SCRIB: variants seen among roughly 807,000 people sequenced by gnomAD.
SCRIB encodes scribble planar cell polarity protein.
SCRIB carries 72 observed loss-of-function variants against 170.0 expected under a neutral mutation model. The observed-to-expected ratio is 0.42, with a 90% CI of 0.35 to 0.52. The LOEUF is 0.52. SCRIB is among the 20% of genes least tolerant of loss of function. SCRIB has a pLI of 0.02. For missense variants in SCRIB, 2,475 were observed against 2,338.5 expected (o/e 1.06, Z -1.20); for synonymous variants, 1,298 against 1,044.3 (o/e 1.24, Z -4.68).
In SCRIB at chr8:143,809,696, G is replaced by C; in HGVS notation, c.1553C>G (p.Ser518Cys). 6.2e-7 allele frequency: 1 copy of C among 1,610,052 alleles called. No homozygotes were observed. The highest frequency in any genetic ancestry group is 8.5e-7 in the Non-Finnish European group (1 of 1,179,806). Residue 518 changes from serine to cysteine, a missense_variant, in exon 14 of 37, where the codon TCT becomes TGT. Around this residue, in one of 3 missense-constraint regions of SCRIB, gnomAD observed 1,966 missense variants for 1,742.9 expected, o/e 1.13. Transcript: ENST00000356994. ...TGGGCGAGAGTCTTCACTCAGGCCA[G>C]ACTCGGCACTCAGCCGCTTCTCCTG... ...AEEEKRLSAE[S>C]GLSEDSRPSA...
rs370897801 is a variant in SCRIB at position 143,795,337 on chromosome 8, TGAGCA to T, written c.3715-9_3715-5del. ...TCTGTCCAGGCAGCTCCTTCTCCTG[TGAGCA>T]GAGCAGAGCAGACCCGTCAGGCACC... On this transcript the variant is annotated splice_region_variant and splice_polypyrimidine_tract_variant and intron_variant, in intron 25 of 36. Coordinates refer to ENST00000356994, the MANE Select transcript of SCRIB (RefSeq NM_182706.5). 3.5e-5 allele frequency: 57 copies of T among 1,612,676 alleles called. No individual in the cohort carries two copies. The highest frequency in any genetic ancestry group is 4.8e-5 in the Non-Finnish European group (57 of 1,179,820).
At chr8:143,802,109 C>T (rs1270029795) in intron 24 of SCRIB, among the ~76,000 whole-genome samples, 1 of 152,250 alleles carries the variant, frequency 6.6e-6, no homozygotes, top group Non-Finnish European at 1.5e-5. Context: ...AGGCAAGGCC[C>T]TCTCTGAGAA....
In SCRIB at chr8:143,812,814, A is replaced by G; in HGVS notation, c.787+3T>C. 6.3e-7 allele frequency: 1 copy of G among 1,598,076 alleles called. No individual in the cohort carries two copies. The highest frequency in any genetic ancestry group is 8.5e-7 in the Non-Finnish European group (1 of 1,178,240). ...CCACCCAGGCACCCCCAGGCACACTAACCGATGCCGTCGGGCAGCCTCCGC... is the reference window on the plus strand; with the variant it reads ...CCACCCAGGCACCCCCAGGCACACTGACCGATGCCGTCGGGCAGCCTCCGC... On this transcript the variant is annotated splice_donor_region_variant and intron_variant, in intron 8 of 36. Coordinates refer to ENST00000356994, the MANE Select transcript of SCRIB (RefSeq NM_182706.5).
chr8:143,800,652 G>A (rs1815135542), intron 24 of SCRIB, among the ~76,000 whole-genome samples: 1 of 152,270 alleles, frequency 6.6e-6, no homozygotes, highest in Non-Finnish European at 1.5e-5. Context: ...AGGCAGGCAG[G>A]TCACTTGAGC....
chr8:143,815,023 T>C, intron 1 of SCRIB, 191 bp downstream of exon 1: 1 of 612,240 alleles, frequency 1.6e-6, no homozygotes, highest in Non-Finnish European at 2.6e-6. Flanking sequence ...AAGCACCTGA[T>C]GACCGCTGCC....
chr8:143,811,491 AC>A, intron 9 of SCRIB, 146 bp from the exon 10 acceptor site: 1 of 694,952 alleles, frequency 1.4e-6, no homozygotes, highest in Non-Finnish European at 2.4e-6. Context: ...CAAGGACCTG[AC>A]CACAGAAGCT....
At position 143,813,045 on chromosome 8, in the gene SCRIB, C is replaced by A. The variant is rs1394288418; in HGVS notation, c.627G>T (p.Leu209=). The A allele has an allele frequency of 6.3e-7, 1 of 1,594,204 alleles. No individual in the cohort carries two copies. The change falls in exon 7 of 37, where the codon CTG becomes CTT. Residue 209 remains leucine (L), a synonymous_variant. Transcript: ENST00000356994. The part of the protein sequence containing the change: ...LRELWLDRNQ[L]SALPPELGNL... Reference sequence around the variant, plus strand: ...CCTGACTCACCGGGGGCAGTGCTGACAGCTGGTTCCGGTCAAGCCACAGCT... The same window carrying A: ...CCTGACTCACCGGGGGCAGTGCTGAAAGCTGGTTCCGGTCAAGCCACAGCT...
rs782578245 is a variant in SCRIB, at chr8:143,792,139, G to A, written c.4515-6C>T. The A allele has an allele frequency of 8.2e-5, 128 of 1,564,988 alleles. No individual in the cohort carries two copies. Among genetic ancestry groups the A allele is most frequent in the Non-Finnish European group, 1.1e-4 (127 of 1,160,898 alleles). ...CCTGTTCCAATGACTTCATCCTGCA[G>A]AGAACAGCGGGCAGGGGTGACTTGG... On this transcript the variant is annotated splice_region_variant and splice_polypyrimidine_tract_variant and intron_variant, in intron 32 of 36. Transcript: ENST00000356994.
chr8:143,814,742 G>A (rs538665585), intron 1 of SCRIB: 4 of 167,604 alleles, frequency 2.4e-5, no homozygotes, highest in African/African-American at 7.1e-5. Context: ...CCTTAGGAGA[G>A]CACCTGACCA....
At chr8:143,794,941 A>G in intron 27 of SCRIB, 97 bp downstream of exon 27, 2 of 1,268,452 alleles carry the variant, frequency 1.6e-6, no homozygotes, top group Non-Finnish European at 2.2e-6. Context: ...CCCCCGCCCA[A>G]AGGTTCCCTC....
chr8:143,805,273 G>T lies in SCRIB; in HGVS notation c.2509C>A (p.Arg837=), dbSNP rs782129165. 6 of 1,554,590 alleles carry T rather than the reference G, an allele frequency of 3.9e-6. No homozygotes were observed. Among genetic ancestry groups the T allele is most frequent in the Non-Finnish European group, 4.3e-6 (5 of 1,156,252 alleles). ...PLRPEDDYSP[R]ERRGGGLRLP... Reference sequence around the variant, plus strand: ...CGCAGCCCCCCTCCCCGCCGCTCTCGGGGGCTGTAATCATCCTCGGGCCGC... The same window carrying T: ...CGCAGCCCCCCTCCCCGCCGCTCTCTGGGGCTGTAATCATCCTCGGGCCGC... The change falls in exon 19 of 37, where the codon CGA becomes AGA. Residue 837 remains arginine, a synonymous_variant. Coordinates refer to ENST00000356994, the MANE Select transcript of SCRIB (RefSeq NM_182706.5).
In SCRIB at chr8:143,814,110, G is replaced by A. The variant is rs1563809638; in HGVS notation, c.168C>T (p.Phe56=). 6.4e-7 allele frequency: 1 copy of A among 1,553,344 alleles called. No individual in the cohort carries two copies. The highest frequency in any genetic ancestry group is 8.7e-7 in the Non-Finnish European group (1 of 1,148,102). ...NQLRELPKPF[F]RLLNLRKLGL... is the part of the protein sequence containing the mutation. ...CCAGCTTGCGCAAGTTCAGCAGCCG[G>A]AAAAAAGGCTGTGGGCAGGGAGGAC... Residue 56 remains phenylalanine, a synonymous_variant, in exon 2 of 37, where the codon TTC becomes TTT. Transcript: ENST00000356994.
At position 143,804,891 on chromosome 8, in the gene SCRIB, CA is replaced by C. The variant is rs782000148; in HGVS notation, c.2751+42del. 1.4e-4 allele frequency: 21 copies of C among 155,440 alleles called. 1 individual carries two copies. Among genetic ancestry groups the C allele is most frequent in the South Asian group, 1.1e-3 (18 of 16,794 alleles). 9.6% of individuals were successfully genotyped at this position (155,440 alleles called of 1,614,324 possible). A position where few individuals can be genotyped will look rare whatever the true frequency, so the allele number is the denominator to read the frequency against. ...AGGGGACAGAGGGCGCGGGGCGGGG[CA>C]GGGGGGATGGGTGGGTGGGGCGGGG... On this transcript the variant is annotated intron_variant, in intron 20 of 36. Coordinates refer to ENST00000356994, the MANE Select transcript of SCRIB (RefSeq NM_182706.5).
intron 15 of SCRIB, 66 bp from the exon 16 acceptor site, chr8:143,807,680 C>T (rs1430307427): frequency 1.7e-6 from 2 of 1,187,698 alleles, no homozygotes; most frequent in African/African-American, 1.5e-5. Flanking sequence ...ACCGCCTCAC[C>T]CAGCCCCCGC....
chr8:143,809,429 C>G (rs749242889), intron 14 of SCRIB, 122 bp downstream of exon 14: 2 of 1,160,292 alleles, frequency 1.7e-6, no homozygotes, highest in Non-Finnish European at 2.5e-6. Flanking sequence ...GGGCAGCTCC[C>G]CGAAGCATCA....
intron 21 of SCRIB, 131 bp from the exon 22 acceptor site, chr8:143,804,287 T>C: frequency 1.4e-6 from 1 of 732,028 alleles, no homozygotes; most frequent in South Asian, 1.9e-5. Context: ...CGGGGATTTC[T>C]GCGCCACCAG....
chr8:143,807,498 C>A (rs531301667), intron 16 of SCRIB, 54 bp downstream of exon 16: 1 of 1,462,642 alleles, frequency 6.8e-7, no homozygotes, highest in South Asian at 1.1e-5. Flanking sequence ...GCCCACAGCC[C>A]GGGAAGCAAG....
chr8:143,808,581 G>A, intron 15 of SCRIB, 28 bp downstream of exon 15: 1 of 1,495,240 alleles, frequency 6.7e-7, no homozygotes, highest in Non-Finnish European at 8.9e-7. Context: ...GGGAATCTGG[G>A]TCAGGCAGGG....
chr8:143,805,283 A>T lies in SCRIB; in HGVS notation c.2499T>A (p.Asp833Glu). 6.4e-7 allele frequency: 1 copy of T among 1,553,616 alleles called. No homozygotes were observed. The highest frequency in any genetic ancestry group is 8.7e-7 in the Non-Finnish European group (1 of 1,155,830). The change falls in exon 19 of 37, where the codon GAT (aspartate) becomes GAA (glutamate). Residue 833 changes from aspartate (D) to glutamate (E), a missense_variant. By Grantham distance (45) the Asp-to-Glu change is conservative (BLOSUM62 2). Coordinates refer to ENST00000356994, the MANE Select transcript of SCRIB (RefSeq NM_182706.5). ...CTCCCCGCCGCTCTCGGGGGCTGTA[A>T]TCATCCTCGGGCCGCAGCGGCGTGA... is the stretch of plus-strand genomic sequence containing the variant. ...VTITPLRPED[D>E]YSPRERRGGG... is the part of the protein sequence containing the mutation.
Sources: gnomAD v4.1 joint callset for allele counts (sites outside exome capture counted in the v4.1 genomes callset) on GRCh38, gnomAD v4.1.1 for gene constraint, gnomAD v4.1.1 regional missense constraint, MANE v1.5 for transcripts, NCBI Gene and HGNC (gene_info 2026-07-23, HGNC 2026-07-21) for gene names.